ITPR1: variants seen among roughly 807,000 people sequenced by gnomAD.
The protein encoded by ITPR1 is inositol 1,4,5-trisphosphate receptor type 1.
ITPR1 carries 96 observed loss-of-function variants against 318.4 expected under a neutral mutation model. The observed-to-expected ratio is 0.30, with a 90% CI of 0.26 to 0.36. ITPR1 has a LOEUF of 0.36. Ranked by LOEUF, ITPR1 falls within the 10% of genes least tolerant of loss-of-function variation. The pLI is 1.00. For missense variants in ITPR1, 2,440 were observed against 3,460.2 expected, an observed-to-expected ratio of 0.71 and a Z score of 7.40; for synonymous variants, 1,312 against 1,289.9, an observed-to-expected ratio of 1.02 and a Z score of -0.37.
chr3:4,604,984 G>GT (rs944341765), intron 4 of ITPR1, among the ~76,000 whole-genome samples: 9 of 151,730 alleles, frequency 5.9e-5, no homozygotes, highest in Admixed American at 2.0e-4. Flanking sequence ...TTTTTTTTGG[G>GT]TGGGGGGGAT....
intron 29 of ITPR1, 33 bp from the exon 30 acceptor site, chr3:4,685,036 G>T (rs1185133112): frequency 6.9e-6 from 11 of 1,598,590 alleles, no homozygotes; most frequent in African/African-American, 1.3e-5. Flanking sequence ...ATAGTTCCTA[G>T]TTTTCTGAGA....
At chr3:4,743,403 C>T (rs2043845386) in intron 44 of ITPR1, among the ~76,000 whole-genome samples, 1 of 152,244 alleles carries the variant, frequency 6.6e-6, no homozygotes, top group South Asian at 2.1e-4. Flanking sequence ...CACAACTCTG[C>T]CCTGGTCATC....
At chr3:4,576,577 A>T (rs2088686947) in intron 4 of ITPR1, among the ~76,000 whole-genome samples, 1 of 152,196 alleles carries the variant, frequency 6.6e-6, no homozygotes, top group African/African-American at 2.4e-5. Context: ...GAAAAAGAAA[A>T]TTTATCTAGA....
chr3:4,842,505 T>A (rs530576723), intron 61 of ITPR1, among the ~76,000 whole-genome samples: 2 of 152,252 alleles, frequency 1.3e-5, no homozygotes, highest in African/African-American at 2.4e-5. Flanking sequence ...GTAGCTAGGA[T>A]TACAGGCATG....
At chr3:4,496,086 T>C (rs1314080229) in intron 2 of ITPR1, among the ~76,000 whole-genome samples, 1 of 152,176 alleles carries the variant, frequency 6.6e-6, no homozygotes, top group Admixed American at 6.5e-5. Flanking sequence ...AGGAACATTA[T>C]GTAAGTTAAG....
intron 35 of ITPR1, among the ~76,000 whole-genome samples, chr3:4,700,730 G>A (rs1244465390): frequency 1.3e-5 from 2 of 152,140 alleles, no homozygotes; most frequent in Non-Finnish European, 2.9e-5. Context: ...GCATTTTCAC[G>A]CTGCTGATAA....
chr3:4,547,046 T>A (rs1449800976), intron 4 of ITPR1, among the ~76,000 whole-genome samples: 2 of 152,166 alleles, frequency 1.3e-5, no homozygotes, highest in African/African-American at 4.8e-5. Flanking sequence ...ATCTGTGGCA[T>A]GAACACGTTG....
intron 4 of ITPR1, among the ~76,000 whole-genome samples, chr3:4,593,313 T>C (rs746023345): frequency 5.9e-5 from 9 of 152,186 alleles, no homozygotes; most frequent in Admixed American, 3.3e-4. Context: ...GTAACTGTTG[T>C]ATTTGTAAAA....
At chr3:4,527,497 T>A (rs192140691) in intron 4 of ITPR1, among the ~76,000 whole-genome samples, 1 of 152,274 alleles carries the variant, frequency 6.6e-6, no homozygotes, top group Non-Finnish European at 1.5e-5. Context: ...CTTTTAGCCA[T>A]TGCCCCAACC....
At chr3:4,698,856 TG>T (rs2094598649) in intron 34 of ITPR1, among the ~76,000 whole-genome samples, 1 of 152,210 alleles carries the variant, frequency 6.6e-6, no homozygotes, top group Admixed American at 6.5e-5. Context: ...TAATAAAACT[TG>T]ATTTTTTAAA....
intron 4 of ITPR1, among the ~76,000 whole-genome samples, chr3:4,579,802 T>C (rs2089103538): frequency 6.6e-6 from 1 of 152,194 alleles, no homozygotes; most frequent in Non-Finnish European, 1.5e-5. Flanking sequence ...TGTGGGACTG[T>C]TCTCCTTCAT....
At chr3:4,562,128 C>G (rs1260943525) in intron 4 of ITPR1, among the ~76,000 whole-genome samples, 5 of 151,466 alleles carry the variant, frequency 3.3e-5, no homozygotes, top group African/African-American at 1.2e-4. Flanking sequence ...AAAAAAATCT[C>G]ATAATGTTTT....
chr3:4,729,558 G>A (rs370827125), intron 42 of ITPR1, among the ~76,000 whole-genome samples: 1 of 152,196 alleles, frequency 6.6e-6, no homozygotes, highest in Non-Finnish European at 1.5e-5. Flanking sequence ...TCTCCTTTGT[G>A]TGTGGCAATG....
rs191021955 is a variant in ITPR1, at chr3:4,653,887, G to T, written c.996+1G>T. The T allele has an allele frequency of 3.1e-6, 5 of 1,607,094 alleles. No homozygotes were observed. The highest frequency in any genetic ancestry group is 4.3e-6 in the Non-Finnish European group (5 of 1,174,570). On this transcript the variant is annotated splice_donor_variant, in intron 12 of 61. Coordinates refer to ENST00000649015, the MANE Select transcript of ITPR1 (RefSeq NM_001378452.1). LOFTEE classifies it high-confidence loss of function. ...AGAATGCCTGGAGTTTCAGCCCTCAGTAAGTATGGACAAGAGCCTTCTTGT... is the reference window on the plus strand; with the variant it reads ...AGAATGCCTGGAGTTTCAGCCCTCATTAAGTATGGACAAGAGCCTTCTTGT...
At chr3:4,538,687 A>G (rs2084108243) in intron 4 of ITPR1, among the ~76,000 whole-genome samples, 1 of 152,246 alleles carries the variant, frequency 6.6e-6, no homozygotes, top group South Asian at 2.1e-4. Flanking sequence ...AAAATTTGGT[A>G]TATATACACC....
chr3:4,498,917 A>T (rs747257286), intron 2 of ITPR1, among the ~76,000 whole-genome samples: 15 of 152,250 alleles, frequency 9.9e-5, no homozygotes, highest in Non-Finnish European at 1.9e-4. Flanking sequence ...GAAGCTTCAC[A>T]TCAGTGATTC....
chr3:4,585,268 A>G (rs905510602), intron 4 of ITPR1, among the ~76,000 whole-genome samples: 1 of 152,152 alleles, frequency 6.6e-6, no homozygotes, highest in Non-Finnish European at 1.5e-5. Flanking sequence ...TTACCTCTCT[A>G]TATAGAATAT....
At chr3:4,668,214 ATT>A (rs60932812) in intron 18 of ITPR1, among the ~76,000 whole-genome samples, 109 of 117,624 alleles carry the variant, frequency 9.3e-4, no homozygotes, top group African/African-American at 2.0e-3. Context: ...CGTTCTTTCT[ATT>A]TTTTTTTTTT....
intron 44 of ITPR1, chr3:4,751,469 T>G (rs1464917514): frequency 2.0e-5 from 3 of 152,110 alleles, no homozygotes; most frequent in Non-Finnish European, 4.4e-5. Context: ...GCAGAGACAC[T>G]TAGAAGATGT....
Sources: gnomAD v4.1 joint callset for allele counts (sites outside exome capture counted in the v4.1 genomes callset) on GRCh38, gnomAD v4.1.1 for gene constraint, MANE v1.5 for transcripts, NCBI Gene and HGNC (gene_info 2026-07-23, HGNC 2026-07-21) for gene names.